The following CYP2C18 variants were observed in gnomAD, a reference collection of about 807,000 sequenced individuals.
The protein encoded by CYP2C18 is cytochrome P450 2C18.
Under a neutral mutation model 41.3 loss-of-function variants are expected in CYP2C18, and 38 were observed. That is an observed-to-expected ratio of 0.92 (90% CI 0.71 to 1.21). The LOEUF (loss-of-function observed/expected upper bound fraction) is 1.21, where lower values mean the gene tolerates loss of function less well. Among genes scored for constraint, CYP2C18 ranks in the 50% most tolerant of loss-of-function variants. The probability of loss-of-function intolerance (pLI) is 0.00; values close to 1 mark genes in which losing one functional copy is unlikely to be tolerated. For missense variants in CYP2C18, 635 were observed against 591.4 expected (o/e 1.07, Z -0.77); for synonymous variants, 236 against 210.0 (o/e 1.12, Z -1.07).
chr10:94,722,257 C>T (rs1408714329), intron 6 of CYP2C18, among the ~76,000 whole-genome samples: 2 of 151,760 alleles, frequency 1.3e-5, no homozygotes, highest in Non-Finnish European at 2.9e-5. Context: ...AAAAATGGTA[C>T]TTGTCAATAT....
intron 3 of CYP2C18, among the ~76,000 whole-genome samples, chr10:94,691,921 G>A (rs1053247588): frequency 6.6e-6 from 1 of 152,122 alleles, no homozygotes; most frequent in East Asian, 1.9e-4. Context: ...CAAGCAATGG[G>A]GAAAGGATTC....
intron 7 of CYP2C18, among the ~76,000 whole-genome samples, chr10:94,730,660 T>G (rs1847815642): frequency 6.6e-6 from 1 of 152,118 alleles, no homozygotes; most frequent in African/African-American, 2.4e-5. Context: ...AAAACTGTCT[T>G]CTGGAAGTCC....
At chr10:94,709,275 T>G (rs1424314004) in intron 5 of CYP2C18, among the ~76,000 whole-genome samples, 3 of 152,214 alleles carry the variant, frequency 2.0e-5, no homozygotes, top group Non-Finnish European at 4.4e-5. Context: ...TCCACAACCT[T>G]GCTAATGTTT....
At chr10:94,712,170 T>A (rs1221365338) in intron 5 of CYP2C18, among the ~76,000 whole-genome samples, 2 of 151,398 alleles carry the variant, frequency 1.3e-5, no homozygotes, top group African/African-American at 4.9e-5. Flanking sequence ...TTTTTTTTTT[T>A]TTTATTTAAG....
chr10:94,691,911 C>T (rs1463874220), intron 3 of CYP2C18, among the ~76,000 whole-genome samples: 2 of 152,150 alleles, frequency 1.3e-5, no homozygotes, highest in African/African-American at 4.8e-5. Context: ...CTGACAAAAA[C>T]AAGCAATGGG....
At chr10:94,723,416 G>A (rs1589805304) in intron 6 of CYP2C18, among the ~76,000 whole-genome samples, 1 of 152,170 alleles carries the variant, frequency 6.6e-6, no homozygotes, top group East Asian at 1.9e-4. Flanking sequence ...TTGATTATTT[G>A]ATTATTTTTA....
Position 94,687,934 on chromosome 10 carries a change from T to C in CYP2C18, c.331+2T>C, listed in dbSNP as rs375456478. 1 of 1,613,308 alleles carries C rather than the reference T, an allele frequency of 6.2e-7. No homozygotes were observed. On this transcript the variant is annotated splice_donor_variant, in intron 2 of 8. Coordinates refer to ENST00000285979, the MANE Select transcript of CYP2C18 (RefSeq NM_000772.3). LOFTEE classifies it high-confidence loss of function. ...CTGAAAAAGTTAACAAAGGACTTGG[T>C]AAATGTGCATGTATCGTGTGTATGT...
At chr10:94,725,111 A>C (rs1847717195) in intron 7 of CYP2C18, among the ~76,000 whole-genome samples, 1 of 148,312 alleles carries the variant, frequency 6.7e-6, no homozygotes, top group Non-Finnish European at 1.5e-5. Flanking sequence ...AAATATATAT[A>C]ATATTAAAAA....
chr10:94,706,993 G>A lies in CYP2C18; in HGVS notation c.819+33G>A, dbSNP rs753517060. 2.0e-5 allele frequency: 31 copies of A among 1,580,452 alleles called. No individual in the cohort carries two copies. In the South Asian group the frequency reaches 3.1e-4, roughly 16 times the overall value. Reference sequence around the variant, plus strand: ...GTTATTTGTTTGCCTGCATCTTGTGGTTCATTGATTAGTTCTATAACGATT... The same window carrying A: ...GTTATTTGTTTGCCTGCATCTTGTGATTCATTGATTAGTTCTATAACGATT... On this transcript the variant is annotated intron_variant, in intron 5 of 8. Coordinates refer to ENST00000285979, the MANE Select transcript of CYP2C18 (RefSeq NM_000772.3).
intron 5 of CYP2C18, among the ~76,000 whole-genome samples, chr10:94,709,829 C>G (rs989091235): frequency 6.6e-6 from 1 of 152,112 alleles, no homozygotes; most frequent in African/African-American, 2.4e-5. Context: ...ATTCAGTTGT[C>G]CTAGTACCAT....
chr10:94,730,273 A>T (rs1407858058), intron 7 of CYP2C18, among the ~76,000 whole-genome samples: 1 of 152,180 alleles, frequency 6.6e-6, no homozygotes, highest in East Asian at 1.9e-4. Context: ...TATGTAAGCA[A>T]CTGTCCCCCT....
intron 4 of CYP2C18, among the ~76,000 whole-genome samples, chr10:94,702,145 TTC>T (rs1457320567): frequency 6.6e-6 from 1 of 152,210 alleles, no homozygotes; most frequent in African/African-American, 2.4e-5. Flanking sequence ...AACCTAACCT[TTC>T]TCTCTGGCTG....
At chr10:94,722,391 G>A (rs546765007) in intron 6 of CYP2C18, among the ~76,000 whole-genome samples, 1 of 151,874 alleles carries the variant, frequency 6.6e-6, no homozygotes, top group Admixed American at 6.6e-5. Flanking sequence ...GTTTTTCTGG[G>A]GTCAGAATCA....
chr10:94,697,104 T>G (rs924801549), intron 4 of CYP2C18, among the ~76,000 whole-genome samples: 1 of 152,046 alleles, frequency 6.6e-6, no homozygotes, highest in Non-Finnish European at 1.5e-5. Flanking sequence ...GGCAGGCCAA[T>G]ATTCAAATTC....
intron 3 of CYP2C18, among the ~76,000 whole-genome samples, chr10:94,690,133 G>T (rs978047645): frequency 6.6e-6 from 1 of 152,190 alleles, no homozygotes; most frequent in African/African-American, 2.4e-5. Context: ...CTGTTTTGGG[G>T]CAACCTGATC....
chr10:94,701,337 GA>G (rs1847239977), intron 4 of CYP2C18, among the ~76,000 whole-genome samples: 2 of 152,132 alleles, frequency 1.3e-5, no homozygotes, highest in Non-Finnish European at 2.9e-5. Flanking sequence ...GATGAAGCTG[GA>G]AACCATAATT....
Position 94,688,242 on chromosome 10 carries a change from G to A in CYP2C18, c.449G>A (p.Arg150His), listed in dbSNP as rs1478268071. ...SIEDRVQEEA[R>H]CLVEELRKTN... ...GAGGACCGTGTTCAAGAGGAAGCCC[G>A]CTGCCTTGTGGAGGAGTTGAGAAAA... The change falls in exon 3 of 9, where the codon CGC becomes CAC. Residue 150 changes from arginine (R) to histidine (H), a missense_variant. By Grantham distance (29) the Arg-to-His change is conservative. Transcript: ENST00000285979. 5 of 1,613,118 alleles carry A rather than the reference G, an allele frequency of 3.1e-6. No homozygotes were observed. The highest frequency in any genetic ancestry group is 1.3e-5 in the African/African-American group (1 of 74,870).
At chr10:94,688,325 T>C (rs1846934079) in intron 3 of CYP2C18, 51 bp downstream of exon 3, 1 of 1,546,696 alleles carries the variant, frequency 6.5e-7, no homozygotes, top group African/African-American at 1.4e-5. Flanking sequence ...TTTATTTTAA[T>C]TTATTTTTAG....
At chr10:94,709,523 T>C (rs780463522) in intron 5 of CYP2C18, among the ~76,000 whole-genome samples, 1 of 149,526 alleles carries the variant, frequency 6.7e-6, no homozygotes, top group Non-Finnish European at 1.5e-5. Flanking sequence ...TCAGATGTTA[T>C]TAAAGATATT....
Sources: allele counts gnomAD v4.1 joint callset (sites outside exome capture counted in the v4.1 genomes callset), GRCh38; gene constraint gnomAD v4.1.1; transcripts MANE v1.5; gene names NCBI Gene and HGNC (gene_info 2026-07-23, HGNC 2026-07-21).